The following RAE1 variants were observed in gnomAD, a reference collection of about 807,000 sequenced individuals.
RAE1 encodes mRNA export factor RAE1.
A neutral mutation model predicts 52.7 loss-of-function variants in RAE1; 13 were observed. The ratio of observed to expected loss-of-function variants is 0.25; its 90% CI spans 0.16 to 0.39. The LOEUF is 0.39. Among genes scored for constraint, RAE1 ranks in the 10% least tolerant of loss-of-function variants. The pLI is 1.00. For missense variants in RAE1, 262 were observed against 459.8 expected (o/e 0.57, Z 3.93); for synonymous variants, 164 against 153.1 (o/e 1.07, Z -0.52).
intron 7 of RAE1, among the ~76,000 whole-genome samples, chr20:57,367,289 A>T (rs1444302670): frequency 6.6e-6 from 1 of 152,056 alleles, no homozygotes; most frequent in Non-Finnish European, 1.5e-5. Context: ...TAAATGCTGG[A>T]TGTCAAGTTT....
chr20:57,377,990 T>C (rs576512516), intron 11 of RAE1, 23 bp from the exon 12 acceptor site: 32 of 1,531,638 alleles, frequency 2.1e-5, no homozygotes, highest in East Asian at 4.5e-5. Context: ...AATAAGATCA[T>C]TGGTGTTTTT....
chr20:57,353,662 C>T (rs78350674), intron 1 of RAE1, among the ~76,000 whole-genome samples: 115 of 152,338 alleles, frequency 7.5e-4, no homozygotes, highest in East Asian at 2.9e-3. Flanking sequence ...ATTCCTGCTG[C>T]GCAGCTCAGG....
chr20:57,368,629 A>G lies in RAE1; in HGVS notation c.535-76A>G, dbSNP rs143448835. On this transcript the variant is annotated intron_variant, in intron 7 of 11. Coordinates refer to ENST00000395841, the MANE Select transcript of RAE1 (RefSeq NM_003610.4). ...TCCAGACTTAATGTTGTAACCAAAA[A>G]TTGATCAAATACATTAGTATAAAAA... is the stretch of plus-strand genomic sequence containing the variant. The G allele has an allele frequency of 6.0e-5, 59 of 988,228 alleles. 1 individual carries two copies. In the East Asian group the frequency reaches 8.6e-4, roughly 14 times the overall value. The allele number at this position is 988,228 out of a possible 1,614,324, so 61.2% of individuals were successfully genotyped here.
intron 4 of RAE1, among the ~76,000 whole-genome samples, chr20:57,360,132 A>G (rs1185386590): frequency 3.3e-5 from 5 of 152,276 alleles, no homozygotes; most frequent in East Asian, 1.9e-4. Context: ...GTAGAAAATT[A>G]TCAGTAATAG....
At chr20:57,375,573 G>A (rs1223120312) in intron 11 of RAE1, among the ~76,000 whole-genome samples, 1 of 150,100 alleles carries the variant, frequency 6.7e-6, no homozygotes, top group Non-Finnish European at 1.5e-5. Flanking sequence ...ACTGTCTTCT[G>A]TCCCCGTCCA....
chr20:57,353,921 C>T (rs1005434779), intron 1 of RAE1, 111 bp from the exon 2 acceptor site: 5 of 910,318 alleles, frequency 5.5e-6, no homozygotes, highest in Non-Finnish European at 8.5e-6. Flanking sequence ...AAAGTGAAGC[C>T]TGGCCTCAAG....
chr20:57,355,548 G>A (rs1568778148), intron 3 of RAE1, among the ~76,000 whole-genome samples: 1 of 152,190 alleles, frequency 6.6e-6, no homozygotes, highest in East Asian at 1.9e-4. Flanking sequence ...TTATCTCACT[G>A]ATACCCTTCT....
Position 57,373,471 on chromosome 20 carries a change from G to A in RAE1, c.643-4G>A. 1.2e-6 allele frequency: 2 copies of A among 1,610,048 alleles called. No homozygotes were observed. The highest frequency in any genetic ancestry group is 2.2e-5 in the South Asian group (2 of 90,670). Reference sequence around the variant, plus strand: ...ATTATGTCTCTTTTTTATTTTAACTGTAGCATCGGTGTGTGGCTATTTTTA... The same window carrying A: ...ATTATGTCTCTTTTTTATTTTAACTATAGCATCGGTGTGTGGCTATTTTTA... On this transcript the variant is annotated splice_polypyrimidine_tract_variant and splice_region_variant and intron_variant, in intron 8 of 11. Coordinates refer to ENST00000395841, the MANE Select transcript of RAE1 (RefSeq NM_003610.4).
chr20:57,377,118 G>A lies in RAE1; in HGVS notation c.1021-895G>A, dbSNP rs924333196. On this transcript the variant is annotated intron_variant, in intron 11 of 11. Coordinates refer to ENST00000395841, the MANE Select transcript of RAE1 (RefSeq NM_003610.4). ...TTACTGTTCAGAAAAACTACACTTT[G>A]TATATTATGAGAATTAGTGGTCACT... Among the ~76,000 whole-genome samples, 4 of 152,164 alleles carry A rather than the reference G, an allele frequency of 2.6e-5. 1 individual carries two copies. The highest frequency in any genetic ancestry group is 9.7e-5 in the African/African-American group (4 of 41,424).
intron 8 of RAE1, chr20:57,373,219 G>A (rs1180439565): frequency 2.0e-6 from 1 of 499,938 alleles, no homozygotes. Context: ...CGTGAACGCG[G>A]CCTTGCAGGG....
At chr20:57,367,488 A>T (rs1347427819) in intron 7 of RAE1, among the ~76,000 whole-genome samples, 1 of 151,994 alleles carries the variant, frequency 6.6e-6, no homozygotes, top group Non-Finnish European at 1.5e-5. Context: ...CACGCCTATA[A>T]TCCTAGCACT....
chr20:57,367,672 A>C (rs1027460963), intron 7 of RAE1, among the ~76,000 whole-genome samples: 3 of 150,096 alleles, frequency 2.0e-5, no homozygotes, highest in African/African-American at 7.3e-5. Flanking sequence ...CCCAGCAAGT[A>C]GAGGTTGAAG....
chr20:57,366,381 C>T (rs1260319979), intron 5 of RAE1, among the ~76,000 whole-genome samples: 1 of 152,062 alleles, frequency 6.6e-6, no homozygotes, highest in Non-Finnish European at 1.5e-5. Flanking sequence ...GAGTATGGTG[C>T]CGGCATCTGC....
At chr20:57,367,739 C>CA (rs374097734) in intron 7 of RAE1, among the ~76,000 whole-genome samples, 4,412 of 67,536 alleles carry the variant, frequency 0.065, 109 homozygotes, top group Admixed American at 0.13. Context: ...GATACTATCT[C>CA]AAAAAAAAAA....
At chr20:57,375,658 T>A (rs1361355123) in intron 11 of RAE1, among the ~76,000 whole-genome samples, 2 of 151,942 alleles carry the variant, frequency 1.3e-5, no homozygotes, top group Non-Finnish European at 2.9e-5. Flanking sequence ...ATCGAGAGAG[T>A]GGTGTCAGCA....
At chr20:57,376,582 T>C (rs906697349) in intron 11 of RAE1, among the ~76,000 whole-genome samples, 1 of 152,246 alleles carries the variant, frequency 6.6e-6, no homozygotes, top group African/African-American at 2.4e-5. Context: ...TTTTCAGTGC[T>C]GGGTAGTATT....
chr20:57,364,809 T>A (rs998168554), intron 4 of RAE1, among the ~76,000 whole-genome samples: 3 of 152,240 alleles, frequency 2.0e-5, no homozygotes, highest in African/African-American at 7.2e-5. Flanking sequence ...ATAGGACCAA[T>A]GACTGTTGTA....
At chr20:57,371,138 C>T (rs1360618663) in intron 8 of RAE1, 2 of 152,344 alleles carry the variant, frequency 1.3e-5, no homozygotes, top group South Asian at 2.1e-4. Context: ...GATCAGAACT[C>T]TATGACATTG....
rs753178483 is a variant in RAE1 at position 57,354,101 on chromosome 20, A to T, written c.63A>T (p.Ala21=). 22 of 1,614,088 alleles carry T rather than the reference A, an allele frequency of 1.4e-5. 1 individual carries two copies. In the South Asian group the frequency reaches 2.4e-4, roughly 18 times the overall value. ...GTGGGACCAGCATGTTTGGCAGTGC[A>T]ACTACAGACAATCACAATCCCATGA... is the stretch of plus-strand genomic sequence containing the variant. ...GTSGTSMFGS[A]TTDNHNPMKD... Residue 21 remains alanine (A), a synonymous_variant, in exon 2 of 12, where the codon GCA becomes GCT. Coordinates refer to ENST00000395841, the MANE Select transcript of RAE1 (RefSeq NM_003610.4).
Sources: gnomAD v4.1 joint callset for allele counts (sites outside exome capture counted in the v4.1 genomes callset) on GRCh38, gnomAD v4.1.1 for gene constraint, MANE v1.5 for transcripts, NCBI Gene and HGNC (gene_info 2026-07-23, HGNC 2026-07-21) for gene names.